VMP1: variants seen among roughly 807,000 people sequenced by gnomAD.
The protein encoded by VMP1 is vacuole membrane protein 1, also known as ectopic P-granules autophagy protein 3 homolog.
A neutral mutation model predicts 56.0 loss-of-function variants in VMP1; 11 were observed. The observed-to-expected ratio is 0.20, with a 90% CI of 0.12 to 0.32. The LOEUF (loss-of-function observed/expected upper bound fraction) is 0.32. VMP1 is among the 10% of genes least tolerant of loss of function. VMP1 has a pLI of 1.00. For missense variants in VMP1, 296 were observed against 490.3 expected (o/e 0.60, Z 3.74); for synonymous variants, 149 against 165.0 (o/e 0.90, Z 0.74).
At chr17:59,737,772 G>T (rs958681712) in intron 4 of VMP1, among the ~76,000 whole-genome samples, 2 of 151,520 alleles carry the variant, frequency 1.3e-5, no homozygotes, top group African/African-American at 4.8e-5. Context: ...TACCTTCAAA[G>T]ATTTTTTTTT....
At chr17:59,751,981 G>GT (rs1014023704) in intron 5 of VMP1, among the ~76,000 whole-genome samples, 1 of 151,370 alleles carries the variant, frequency 6.6e-6, no homozygotes, top group African/African-American at 2.4e-5. Context: ...CACCAGCTGG[G>GT]TTTTTTTTAG....
At chr17:59,829,690 C>T (rs989588655) in intron 10 of VMP1, among the ~76,000 whole-genome samples, 1 of 152,010 alleles carries the variant, frequency 6.6e-6, no homozygotes, top group Non-Finnish European at 1.5e-5. Flanking sequence ...AGACTGTTAC[C>T]GAGAAAGGGA....
chr17:59,717,250 A>G lies in VMP1; in HGVS notation c.-27+9502A>G, dbSNP rs183778823. ...CTCCCAAAGTGCTGGGATTACAGGC[A>G]TGAGCCACCGCGCTCGGCCGGTCCG... On this transcript the variant is annotated intron_variant, in intron 1 of 11. Transcript: ENST00000262291. Among the ~76,000 whole-genome samples, 223 of 152,248 alleles carry G rather than the reference A, an allele frequency of 1.5e-3. 2 individuals are homozygous for G. The highest frequency in any genetic ancestry group is 6.4e-3 in the Admixed American group (98 of 15,298).
At chr17:59,755,086 G>A (rs2035789810) in intron 5 of VMP1, among the ~76,000 whole-genome samples, 1 of 147,902 alleles carries the variant, frequency 6.8e-6, no homozygotes, top group African/African-American at 2.5e-5. Context: ...GAACAAAGGT[G>A]AAACATGCCT....
Position 59,737,373 on chromosome 17 carries a change from T to G in VMP1, c.213-80T>G, listed in dbSNP as rs1391276895. The G allele has an allele frequency of 1.3e-5, 18 of 1,438,156 alleles. No individual in the cohort carries two copies. The Admixed American group carries it at 3.5e-4, about 28-fold the overall frequency. The allele number at this position is 1,438,156 out of a possible 1,614,324, so 89.1% of individuals were successfully genotyped here. ...CAGCTGAGCTAGGTAACCTAACTGT[T>G]TCAGCAAGAAATTGTTCTGAGAATG... On this transcript the variant is annotated intron_variant, in intron 3 of 11. Transcript: ENST00000262291.
intron 7 of VMP1, among the ~76,000 whole-genome samples, chr17:59,774,525 G>T (rs2036549655): frequency 6.6e-6 from 1 of 152,172 alleles, no homozygotes; most frequent in Admixed American, 6.5e-5. Context: ...AGTGTGCAGA[G>T]CTGCTGAAAT....
chr17:59,797,312 A>T (rs533470801), intron 7 of VMP1, among the ~76,000 whole-genome samples: 68 of 150,916 alleles, frequency 4.5e-4, no homozygotes, highest in Middle Eastern at 3.4e-3. Context: ...ACTGCACTCC[A>T]GCCTGGCGAC....
At chr17:59,748,840 C>T (rs2035528926) in intron 5 of VMP1, among the ~76,000 whole-genome samples, 1 of 151,756 alleles carries the variant, frequency 6.6e-6, no homozygotes, top group Non-Finnish European at 1.5e-5. Flanking sequence ...TTTGGACCAA[C>T]TCTCCCATAA....
At chr17:59,760,106 G>C (rs766655002) in intron 5 of VMP1, among the ~76,000 whole-genome samples, 4 of 142,938 alleles carry the variant, frequency 2.8e-5, no homozygotes, top group Admixed American at 7.0e-5. Flanking sequence ...CTGGGCAACA[G>C]GGTAGGACCC....
intron 11 of VMP1, 42 bp from the exon 12 acceptor site, chr17:59,839,726 T>C (rs2039098908): frequency 6.3e-7 from 1 of 1,578,220 alleles, no homozygotes; most frequent in Non-Finnish European, 8.6e-7. Flanking sequence ...ACTGAACTAA[T>C]GAAGCCTTTT....
At chr17:59,838,939 G>A (rs1243017554) in intron 11 of VMP1, 1 of 152,210 alleles carries the variant, frequency 6.6e-6, no homozygotes, top group Non-Finnish European at 1.5e-5. Context: ...CCTGAAATGG[G>A]AAACTCGAGG....
At chr17:59,768,384 C>T (rs1465913573) in intron 6 of VMP1, among the ~76,000 whole-genome samples, 1 of 149,696 alleles carries the variant, frequency 6.7e-6, no homozygotes, top group Non-Finnish European at 1.5e-5. Flanking sequence ...AGGTGGATCA[C>T]CTGAGGTCAG....
intron 5 of VMP1, among the ~76,000 whole-genome samples, chr17:59,740,262 G>A (rs2035179762): frequency 6.6e-6 from 1 of 152,084 alleles, no homozygotes; most frequent in African/African-American, 2.4e-5. Flanking sequence ...ATGAATAAGT[G>A]CCTCATTAAA....
intron 4 of VMP1, among the ~76,000 whole-genome samples, chr17:59,738,403 G>T (rs1248454068): frequency 6.6e-6 from 1 of 152,180 alleles, no homozygotes; most frequent in Non-Finnish European, 1.5e-5. Context: ...CTCTAGAATG[G>T]TATTTTAAAA....
At chr17:59,761,823 T>TTC (rs35041830) in intron 5 of VMP1, among the ~76,000 whole-genome samples, 131,290 of 152,120 alleles carry the variant, frequency 0.86, 56,848 homozygotes, top group East Asian at 0.96. Flanking sequence ...CTAGAGTTCC[T>TTC]TCTCTGTGTA....
chr17:59,713,103 C>T (rs1568005533), intron 1 of VMP1, among the ~76,000 whole-genome samples: 1 of 151,940 alleles, frequency 6.6e-6, no homozygotes, highest in Non-Finnish European at 1.5e-5. Context: ...GTGCCAGGTA[C>T]TGGGAGAAGG....
chr17:59,780,514 A>G (rs541424407), intron 7 of VMP1, among the ~76,000 whole-genome samples: 1 of 152,380 alleles, frequency 6.6e-6, no homozygotes, highest in South Asian at 2.1e-4. Context: ...AGGTTAATGC[A>G]ATAAAAAGTG....
intron 1 of VMP1, among the ~76,000 whole-genome samples, chr17:59,714,410 C>A (rs1234564432): frequency 6.6e-6 from 1 of 152,060 alleles, no homozygotes; most frequent in African/African-American, 2.4e-5. Context: ...CTCTTAAAGG[C>A]CTTGTCTCAC....
chr17:59,817,948 GAT>G lies in VMP1; in HGVS notation c.974+177_974+178del, dbSNP rs2038303852. On this transcript the variant is annotated intron_variant, in intron 10 of 11. Transcript: ENST00000262291. ...ACTTTCTTGTTCTATAGTAGGGAAAGATAAAGCTTACATTATCCCTGTTTAAT... is the reference window on the plus strand; with the variant it reads ...ACTTTCTTGTTCTATAGTAGGGAAAGAAAGCTTACATTATCCCTGTTTAAT... 2.0e-5 allele frequency among the ~76,000 whole-genome samples: 3 copies of G among 152,140 alleles called. No homozygotes were observed. In the South Asian group the frequency reaches 6.2e-4, roughly 32 times the overall value.
Sources: gnomAD v4.1 joint callset for allele counts (sites outside exome capture counted in the v4.1 genomes callset) on GRCh38, gnomAD v4.1.1 for gene constraint, MANE v1.5 for transcripts, NCBI Gene and HGNC (gene_info 2026-07-23, HGNC 2026-07-21) for gene names.